Variants in TRAIP observed in about 807,000 individuals in gnomAD.
TRAIP encodes TRAF interacting protein.
In TRAIP, 37 loss-of-function variants were observed where a neutral mutation model predicts 65.0. The ratio of observed to expected loss-of-function variants is 0.57; its 90% CI spans 0.44 to 0.75. The LOEUF (loss-of-function observed/expected upper bound fraction) is 0.75, where lower values mean the gene tolerates loss of function less well. Among genes scored for constraint, TRAIP ranks in the 30% least tolerant of loss-of-function variants. TRAIP has a pLI of 0.00. For synonymous variants in TRAIP, 187 were observed against 219.1 expected (o/e 0.85, Z 1.29); for missense variants, 481 against 579.4 (o/e 0.83, Z 1.74).
At chr3:49,831,688 C>T (rs1023025245) in intron 11 of TRAIP, among the ~76,000 whole-genome samples, 11 of 152,204 alleles carry the variant, frequency 7.2e-5, no homozygotes, top group Admixed American at 6.5e-4. Context: ...CATTCCAATA[C>T]GTTTGCCTTG....
At chr3:49,829,913 G>A in intron 12 of TRAIP, 107 bp downstream of exon 12, 1 of 1,581,314 alleles carries the variant, frequency 6.3e-7, no homozygotes, top group Non-Finnish European at 8.7e-7. Flanking sequence ...TGGCTCCGAA[G>A]TACCTCAGTC....
At chr3:49,844,492 G>A (rs1475459607) in intron 4 of TRAIP, 49 bp downstream of exon 4, 13 of 1,606,772 alleles carry the variant, frequency 8.1e-6, no homozygotes, top group Non-Finnish European at 9.4e-6. Flanking sequence ...CCTTCCTCCA[G>A]CATCCAAGTC....
intron 5 of TRAIP, 77 bp from the exon 6 acceptor site, chr3:49,842,624 C>T (rs1340640595): frequency 4.6e-6 from 6 of 1,315,690 alleles, no homozygotes; most frequent in Middle Eastern, 3.7e-4. Context: ...GAAAACTCTG[C>T]TCCAGAACTC....
At chr3:49,844,289 C>T (rs1302141612) in intron 4 of TRAIP, among the ~76,000 whole-genome samples, 5 of 152,174 alleles carry the variant, frequency 3.3e-5, no homozygotes, top group African/African-American at 1.2e-4. Context: ...AGGTAACCCC[C>T]TCCCATCTTG....
chr3:49,841,786 C>T, intron 7 of TRAIP, 40 bp downstream of exon 7: 1 of 1,562,600 alleles, frequency 6.4e-7, no homozygotes, highest in Non-Finnish European at 8.8e-7. Flanking sequence ...GGCCCCATGG[C>T]CTATCTCCTG....
intron 1 of TRAIP, among the ~76,000 whole-genome samples, chr3:49,854,187 T>C (rs2081954310): frequency 6.6e-6 from 1 of 152,070 alleles, no homozygotes; most frequent in Non-Finnish European, 1.5e-5. Context: ...TAGCTGGGCA[T>C]GGTGACATGC....
intron 1 of TRAIP, among the ~76,000 whole-genome samples, chr3:49,850,341 A>C (rs2108321126): frequency 6.6e-6 from 1 of 152,136 alleles, no homozygotes; most frequent in African/African-American, 2.4e-5. Context: ...TCTACTAAAA[A>C]TAGAAAAATT....
intron 1 of TRAIP, among the ~76,000 whole-genome samples, chr3:49,852,322 G>A (rs1476850757): frequency 6.6e-5 from 10 of 151,670 alleles, no homozygotes; most frequent in South Asian, 2.1e-4. Flanking sequence ...AGCCGAGATC[G>A]GACCATTGCA....
intron 10 of TRAIP, among the ~76,000 whole-genome samples, chr3:49,838,989 G>C (rs929456974): frequency 8.6e-5 from 13 of 151,624 alleles, no homozygotes; most frequent in Admixed American, 6.6e-4. Flanking sequence ...AGGAGATCGA[G>C]ACCATCCTGG....
At chr3:49,839,054 T>G (rs2081813450) in intron 10 of TRAIP, among the ~76,000 whole-genome samples, 1 of 151,582 alleles carries the variant, frequency 6.6e-6, no homozygotes, top group African/African-American at 2.4e-5. Flanking sequence ...CCAGGCGTGG[T>G]GGTGCGCGCC....
chr3:49,839,843 T>G lies in TRAIP; in HGVS notation c.813A>C (p.Leu271=). The change falls in exon 10 of 15, where the codon CTA becomes CTC. Residue 271 remains leucine, a synonymous_variant. Transcript: ENST00000331456. ...GGTTCAAGGTTTCCTGCAGCATCGT[T>G]AGCTTCTTTTTCAGGCTCTTGGGGA... ...DKEIMSLKKK[L]TMLQETLNLP... 3.1e-6 allele frequency: 5 copies of G among 1,614,206 alleles called. No individual in the cohort carries two copies. The highest frequency in any genetic ancestry group is 4.2e-6 in the Non-Finnish European group (5 of 1,180,020).
At chr3:49,838,722 CA>C (rs1035557825) in intron 10 of TRAIP, among the ~76,000 whole-genome samples, 16 of 151,802 alleles carry the variant, frequency 1.1e-4, no homozygotes, top group African/African-American at 3.9e-4. Flanking sequence ...CCGTCTCTGC[CA>C]AAACATACAA....
intron 1 of TRAIP, among the ~76,000 whole-genome samples, chr3:49,854,309 A>G (rs1205339675): frequency 6.6e-6 from 1 of 152,244 alleles, no homozygotes; most frequent in Non-Finnish European, 1.5e-5. Context: ...TGGGCAAGAG[A>G]GCAGGACTCT....
chr3:49,830,471 G>A (rs1467122412), intron 11 of TRAIP, among the ~76,000 whole-genome samples: 2 of 152,194 alleles, frequency 1.3e-5, no homozygotes, highest in Non-Finnish European at 2.9e-5. Context: ...ATGAGCTCAG[G>A]CCTAGTCCTG....
chr3:49,848,524 C>A (rs2081904375), intron 1 of TRAIP, among the ~76,000 whole-genome samples: 2 of 152,036 alleles, frequency 1.3e-5, no homozygotes, highest in South Asian at 2.1e-4. Flanking sequence ...TCTGATAACA[C>A]CCCCATTTTA....
intron 1 of TRAIP, among the ~76,000 whole-genome samples, chr3:49,852,106 C>T (rs750994702): frequency 2.0e-5 from 3 of 151,890 alleles, no homozygotes; most frequent in Admixed American, 1.3e-4. Context: ...CAGTGGCTCA[C>T]GCCTGTAATC....
intron 5 of TRAIP, chr3:49,843,099 G>C (rs1159493056): frequency 6.4e-6 from 1 of 155,272 alleles, no homozygotes; most frequent in Non-Finnish European, 1.4e-5. Flanking sequence ...ATGTGATCCA[G>C]CCCAGCCCCC....
At chr3:49,844,335 G>A (rs2081865342) in intron 4 of TRAIP, among the ~76,000 whole-genome samples, 1 of 152,046 alleles carries the variant, frequency 6.6e-6, no homozygotes, top group Admixed American at 6.6e-5. Context: ...GAGACAAGAG[G>A]CTCACCTGGT....
chr3:49,844,292 C>T (rs1444541950), intron 4 of TRAIP, among the ~76,000 whole-genome samples: 1 of 152,150 alleles, frequency 6.6e-6, no homozygotes, highest in Non-Finnish European at 1.5e-5. Context: ...TAACCCCCTC[C>T]CATCTTGGTT....
Sources: allele counts gnomAD v4.1 joint callset (sites outside exome capture counted in the v4.1 genomes callset), GRCh38; gene constraint gnomAD v4.1.1; transcripts MANE v1.5; gene names NCBI Gene and HGNC (gene_info 2026-07-23, HGNC 2026-07-21).